GNPAT: variants seen among roughly 807,000 people sequenced by gnomAD.
GNPAT encodes glyceronephosphate O-acyltransferase.
A neutral mutation model predicts 78.4 loss-of-function variants in GNPAT; 30 were observed. The observed-to-expected ratio is 0.38, with a 90% CI of 0.29 to 0.52. The LOEUF (loss-of-function observed/expected upper bound fraction) is 0.52. GNPAT is among the 20% of genes least tolerant of loss of function. GNPAT has a pLI of 0.84. For synonymous variants in GNPAT, 271 were observed against 281.1 expected (o/e 0.96, Z 0.36); for missense variants, 714 against 812.2 (o/e 0.88, Z 1.47).
intron 2 of GNPAT, among the ~76,000 whole-genome samples, chr1:231,258,699 T>C (rs933847721): frequency 6.8e-6 from 1 of 147,472 alleles, no homozygotes; most frequent in African/African-American, 2.5e-5. Flanking sequence ...GGCTCTATCT[T>C]GGCTCACTGC....
In GNPAT at chr1:231,277,556, G is replaced by A; in HGVS notation, c.*14G>A. ...GCAAAACTTTAATAATCAACAAATA[G>A]TTATGGAAAATTCGGTCACGTAATT... On this transcript the variant is annotated 3_prime_UTR_variant, in exon 16 of 16. Transcript: ENST00000366647. The A allele has an allele frequency of 2.0e-6, 3 of 1,521,404 alleles. No individual in the cohort carries two copies. Among genetic ancestry groups the A allele is most frequent in the Middle Eastern group, 3.4e-4 (2 of 5,886 alleles). The allele number at this position is 1,521,404 out of a possible 1,614,324, so 94.2% of individuals were successfully genotyped here.
chr1:231,274,827 A>G (rs1685666171), intron 12 of GNPAT: 1 of 275,862 alleles, frequency 3.6e-6, no homozygotes, highest in East Asian at 9.9e-5. Flanking sequence ...ACTGTTCTAC[A>G]GTAGAAATCA....
At chr1:231,276,658 T>A (rs895685220) in intron 15 of GNPAT, among the ~76,000 whole-genome samples, 4 of 152,158 alleles carry the variant, frequency 2.6e-5, no homozygotes, top group African/African-American at 9.7e-5. Flanking sequence ...CCCTTACTCT[T>A]CTCTAGAGCC....
intron 2 of GNPAT, among the ~76,000 whole-genome samples, chr1:231,251,723 T>G (rs1684904379): frequency 6.6e-6 from 1 of 152,202 alleles, no homozygotes; most frequent in African/African-American, 2.4e-5. Context: ...CTGGCTTATT[T>G]TAAGGACCGA....
intron 1 of GNPAT, among the ~76,000 whole-genome samples, chr1:231,242,066 C>CA (rs1449035724): frequency 6.6e-6 from 1 of 152,162 alleles, no homozygotes; most frequent in Non-Finnish European, 1.5e-5. Context: ...TCCCGCTTGT[C>CA]TTTTTTTCCT....
At chr1:231,249,144 T>C (rs1236827897) in intron 1 of GNPAT, among the ~76,000 whole-genome samples, 1 of 152,224 alleles carries the variant, frequency 6.6e-6, no homozygotes, top group African/African-American at 2.4e-5. Flanking sequence ...CTGCAGTCTA[T>C]AGAGCGCAAA....
At chr1:231,261,531 C>T (rs1192444715) in intron 3 of GNPAT, among the ~76,000 whole-genome samples, 2 of 151,958 alleles carry the variant, frequency 1.3e-5, no homozygotes, top group Non-Finnish European at 2.9e-5. Flanking sequence ...TCACTTCCAT[C>T]AGTTGGTTAT....
chr1:231,276,050 T>TA, intron 14 of GNPAT, 85 bp from the exon 15 acceptor site: 1 of 718,916 alleles, frequency 1.4e-6, no homozygotes, highest in Non-Finnish European at 2.5e-6. Flanking sequence ...AAAGTAGTCT[T>TA]ACAATAGCTA....
At chr1:231,262,635 A>G (rs190547202) in intron 3 of GNPAT, 88 bp from the exon 4 acceptor site, 292 of 1,061,296 alleles carry the variant, frequency 2.8e-4, no homozygotes, top group Non-Finnish European at 3.8e-4. Context: ...CCCTCTAAAT[A>G]TAGACTTATT....
At chr1:231,249,795 C>T (rs947446662) in intron 1 of GNPAT, among the ~76,000 whole-genome samples, 5 of 152,160 alleles carry the variant, frequency 3.3e-5, no homozygotes, top group African/African-American at 9.7e-5. Flanking sequence ...AGCAGTTATA[C>T]GTGTTAGCTT....
At chr1:231,262,110 A>G (rs1181578319) in intron 3 of GNPAT, among the ~76,000 whole-genome samples, 1 of 152,076 alleles carries the variant, frequency 6.6e-6, no homozygotes, top group Non-Finnish European at 1.5e-5. Context: ...ATATTTGGAA[A>G]CTCAAATTAT....
At chr1:231,257,739 C>G (rs547485014) in intron 2 of GNPAT, among the ~76,000 whole-genome samples, 3 of 152,174 alleles carry the variant, frequency 2.0e-5, no homozygotes, top group African/African-American at 7.2e-5. Context: ...TCTAGCTGTT[C>G]CTAGATTATT....
rs1685370915 is a variant in GNPAT at position 231,265,948 on chromosome 1, T to C, written c.773-66T>C. The C allele has an allele frequency of 2.9e-6, 4 of 1,357,482 alleles. No individual in the cohort carries two copies. In the Admixed American group the frequency reaches 6.7e-5, roughly 23 times the overall value. The allele number at this position is 1,357,482 out of a possible 1,614,324, so 84.1% of individuals were successfully genotyped here. A position where few individuals can be genotyped will look rare whatever the true frequency, so the allele number is the denominator to read the frequency against. ...TAATGTATGCTTTTAGTATTTTCCG[T>C]TTATGTGCTCATGTTTGCTCTGCTC... is the stretch of plus-strand genomic sequence containing the variant. On this transcript the variant is annotated intron_variant, in intron 6 of 15. Coordinates refer to ENST00000366647, the MANE Select transcript of GNPAT (RefSeq NM_014236.4).
intron 2 of GNPAT, among the ~76,000 whole-genome samples, chr1:231,256,921 AC>A (rs1571940945): frequency 6.6e-6 from 1 of 152,164 alleles, no homozygotes; most frequent in East Asian, 1.9e-4. Context: ...AGATGTGATT[AC>A]TTTTGCATTT....
At chr1:231,275,582 A>T in intron 14 of GNPAT, 84 bp downstream of exon 14, 1 of 825,040 alleles carries the variant, frequency 1.2e-6, no homozygotes, top group African/African-American at 1.7e-5. Flanking sequence ...GAGACATAGA[A>T]ATGGATGATC....
intron 1 of GNPAT, among the ~76,000 whole-genome samples, chr1:231,241,658 T>C (rs1684610015): frequency 6.6e-6 from 1 of 152,254 alleles, no homozygotes. Context: ...TGGAAGTTTC[T>C]ACGGATTATG....
Position 231,265,771 on chromosome 1 carries a change from A to T in GNPAT, c.756A>T (p.Thr252=). ...LEGTRSRSAK[T]LTPKFGLLNI... is the part of the protein sequence containing the mutation. Reference sequence around the variant, plus strand: ...GGACAAGAAGCCGCTCTGCCAAGACATTGACTCCTAAATTTGGTAGGTCAC... The same window carrying T: ...GGACAAGAAGCCGCTCTGCCAAGACTTTGACTCCTAAATTTGGTAGGTCAC... The change falls in exon 6 of 16, where the codon ACA becomes ACT. Residue 252 remains threonine (T), a synonymous_variant. Transcript: ENST00000366647. 1 of 1,594,390 alleles carries T rather than the reference A, an allele frequency of 6.3e-7. No individual in the cohort carries two copies. Among genetic ancestry groups the T allele is most frequent in the African/African-American group, 1.3e-5 (1 of 74,684 alleles).
rs1684589274 is a variant in GNPAT, at chr1:231,241,262, G to A, written c.-117G>A. ...CGGGATCCTGTGTAGCGGCTGCAGA[G>A]GGTGCCGCCGCCCTAGGCGAAGTAG... On this transcript the variant is annotated 5_prime_UTR_variant, in exon 1 of 16. Transcript: ENST00000366647. 7.0e-7 allele frequency: 1 copy of A among 1,419,032 alleles called. No homozygotes were observed. The highest frequency in any genetic ancestry group is 1.0e-6 in the Non-Finnish European group (1 of 1,003,440). 87.9% of individuals were successfully genotyped at this position (1,419,032 alleles called of 1,614,324 possible). A position where few individuals can be genotyped will look rare whatever the true frequency, so the allele number is the denominator to read the frequency against.
At position 231,277,743 on chromosome 1, in the gene GNPAT, T is replaced by C; in HGVS notation, c.*201T>C. 1.7e-6 allele frequency: 1 copy of C among 574,490 alleles called. No individual in the cohort carries two copies. The allele number at this position is 574,490 out of a possible 1,614,324, so 35.6% of individuals were successfully genotyped here. On this transcript the variant is annotated 3_prime_UTR_variant, in exon 16 of 16. Coordinates refer to ENST00000366647, the MANE Select transcript of GNPAT (RefSeq NM_014236.4). ...CACCACAGTGGTTAAAAGGCGTTTG[T>C]ATCTGACACTATGTGTGTGTTTTAA...
Sources: allele counts gnomAD v4.1 joint callset (sites outside exome capture counted in the v4.1 genomes callset), GRCh38; gene constraint gnomAD v4.1.1; transcripts MANE v1.5; gene names NCBI Gene and HGNC (gene_info 2026-07-23, HGNC 2026-07-21).